Variants in PROM1 observed in about 807,000 individuals in gnomAD.
The protein encoded by PROM1 is prominin 1, also known as prominin-1.
Under a neutral mutation model 116.9 loss-of-function variants are expected in PROM1, and 105 were observed. That is an observed-to-expected ratio of 0.90 (90% confidence interval 0.77 to 1.06). PROM1 has a LOEUF of 1.06. PROM1 is among the 50% of genes least tolerant of loss of function. The pLI is 0.00. For synonymous variants in PROM1, 393 were observed against 387.0 expected (o/e 1.02, Z -0.18); for missense variants, 1,122 against 1,045.2 (o/e 1.07, Z -1.01).
chr4:16,063,014 A>C (rs1198741409), intron 2 of PROM1, among the ~76,000 whole-genome samples: 1 of 152,344 alleles, frequency 6.6e-6, no homozygotes, highest in Admixed American at 6.5e-5. Flanking sequence ...AGTGATCATC[A>C]TCACTGCCAA....
intron 1 of PROM1, chr4:16,080,540 A>G (rs1744847915): frequency 6.6e-6 from 1 of 152,238 alleles, no homozygotes. Context: ...TAAAAATGAA[A>G]AAGCAAATAT....
chr4:15,980,871 C>G (rs1717690519), intron 23 of PROM1, among the ~76,000 whole-genome samples: 1 of 152,032 alleles, frequency 6.6e-6, no homozygotes, highest in African/African-American at 2.4e-5. Flanking sequence ...AAACAGATTC[C>G]CTTTGTTGCC....
chr4:15,992,221 G>C, intron 17 of PROM1, 27 bp downstream of exon 17: 2 of 1,606,980 alleles, frequency 1.2e-6, no homozygotes, highest in African/African-American at 1.3e-5. Flanking sequence ...TCTCCTAAAG[G>C]ATCAAGCATG....
Position 15,992,360 on chromosome 4 carries a change from C to T in PROM1, c.1799G>A (p.Ser600Asn). 6.2e-7 allele frequency: 1 copy of T among 1,613,898 alleles called. No homozygotes were observed. ...AAAGATATTAAGATTTACCTTCAGACTTTCCAATTCACTGCTTATGCTTCC... is the reference window on the plus strand; with the variant it reads ...AAAGATATTAAGATTTACCTTCAGATTTTCCAATTCACTGCTTATGCTTCC... ...HTGSISSELESLKVNLNIFLL... is the reference protein window; with the variant it reads ...HTGSISSELENLKVNLNIFLL... The change falls in exon 17 of 28, where the codon AGT becomes AAT. Residue 600 changes from serine (S) to asparagine (N), a missense_variant. Transcript: ENST00000447510.
At position 16,076,070 on chromosome 4, in the gene PROM1, G is replaced by C; in HGVS notation, c.-164C>G. 7.3e-7 allele frequency: 1 copy of C among 1,375,198 alleles called. No individual in the cohort carries two copies. Among genetic ancestry groups the C allele is most frequent in the Non-Finnish European group, 9.5e-7 (1 of 1,047,588 alleles). The allele number at this position is 1,375,198 out of a possible 1,614,324, so 85.2% of individuals were successfully genotyped here. ...TGTCTGAGGCTGGCTTGAGGCGAGG[G>C]ATGCGGAAGAATGTTCTCCAAGGGG... On this transcript the variant is annotated 5_prime_UTR_variant, in exon 2 of 28. The change creates a new upstream start codon in the 5' untranslated region. Coordinates refer to ENST00000447510, the MANE Select transcript of PROM1 (RefSeq NM_006017.3).
intron 2 of PROM1, among the ~76,000 whole-genome samples, chr4:16,045,949 C>T (rs1736457298): frequency 6.6e-6 from 1 of 152,208 alleles, no homozygotes; most frequent in Admixed American, 6.5e-5. Context: ...TTGTCCTGAT[C>T]TACAAAACAC....
At chr4:16,066,203 G>A (rs1343055887) in intron 2 of PROM1, among the ~76,000 whole-genome samples, 1 of 152,182 alleles carries the variant, frequency 6.6e-6, no homozygotes, top group Admixed American at 6.5e-5. Context: ...GTTGCCCTAG[G>A]AAACCAATAA....
At chr4:15,991,757 AC>A (rs1328149892) in intron 17 of PROM1, among the ~76,000 whole-genome samples, 1 of 151,668 alleles carries the variant, frequency 6.6e-6, no homozygotes, top group African/African-American at 2.4e-5. Context: ...ACATGGTGAA[AC>A]CCCGTCTCTA....
At chr4:15,993,849 G>A (rs1721657509) in intron 16 of PROM1, 138 bp downstream of exon 16, 1 of 1,436,572 alleles carries the variant, frequency 7.0e-7, no homozygotes, top group Non-Finnish European at 9.2e-7. Flanking sequence ...ACACAGCCAT[G>A]TAAATATACC....
chr4:15,998,008 C>T (rs1023622155), intron 15 of PROM1, among the ~76,000 whole-genome samples: 1 of 152,340 alleles, frequency 6.6e-6, no homozygotes, highest in Non-Finnish European at 1.5e-5. Context: ...TGCCTTCCCC[C>T]TATCAGTGAT....
intron 5 of PROM1, among the ~76,000 whole-genome samples, chr4:16,029,409 G>A (rs1326101046): frequency 1.3e-5 from 2 of 151,232 alleles, no homozygotes; most frequent in African/African-American, 4.9e-5. Context: ...GCGGTGACAA[G>A]CAAAAAGAAA....
At chr4:15,999,388 A>G (rs570896261) in intron 14 of PROM1, among the ~76,000 whole-genome samples, 4 of 151,978 alleles carry the variant, frequency 2.6e-5, no homozygotes, top group South Asian at 2.1e-4. Flanking sequence ...GGAGAATGGC[A>G]TGAAACCGGG....
At chr4:16,046,046 T>C (rs1348139003) in intron 2 of PROM1, among the ~76,000 whole-genome samples, 4 of 152,248 alleles carry the variant, frequency 2.6e-5, no homozygotes, top group African/African-American at 7.2e-5. Flanking sequence ...AACAGTGTTA[T>C]CCTGGGAATA....
chr4:16,040,704 AG>A (rs1735016887), intron 2 of PROM1, among the ~76,000 whole-genome samples: 1 of 152,226 alleles, frequency 6.6e-6, no homozygotes, highest in South Asian at 2.1e-4. Flanking sequence ...AGGACCACTT[AG>A]GGTGAAGTGA....
intron 26 of PROM1, among the ~76,000 whole-genome samples, chr4:15,978,160 C>G (rs1716728894): frequency 6.6e-6 from 1 of 152,170 alleles, no homozygotes; most frequent in Non-Finnish European, 1.5e-5. Flanking sequence ...GCACCTTGAT[C>G]TTGTATTCCA....
intron 7 of PROM1, 140 bp from the exon 8 acceptor site, chr4:16,023,555 C>A: frequency 1.6e-6 from 1 of 630,960 alleles, no homozygotes; most frequent in South Asian, 2.0e-5. Context: ...GGGTTAAACT[C>A]GTGTATGGAG....
intron 26 of PROM1, among the ~76,000 whole-genome samples, chr4:15,974,140 C>CTCTCTA (rs1282261329): frequency 6.8e-6 from 1 of 147,236 alleles, no homozygotes; most frequent in East Asian, 2.0e-4. Flanking sequence ...CTCTCTCTCT[C>CTCTCTA]TCTAAAGAAC....
rs368118512 is a variant in PROM1 at position 15,991,194 on chromosome 4, A to G, written c.1983+28T>C. On this transcript the variant is annotated intron_variant, in intron 18 of 27. Transcript: ENST00000447510. The stretch of plus-strand genomic sequence containing the variant: ...GACATTTGACATCTACAACTACTAC[A>G]GTATTTAACCGGACGATTTGAACTC... 2.6e-5 allele frequency: 41 copies of G among 1,571,340 alleles called. No homozygotes were observed. The African/African-American group carries it at 3.1e-4, about 12-fold the overall frequency.
intron 1 of PROM1, chr4:16,076,415 A>G (rs1300931678): frequency 6.5e-6 from 1 of 153,966 alleles, no homozygotes; most frequent in Non-Finnish European, 1.4e-5. Context: ...ACTAACATTT[A>G]TTGAGCACTT....
Sources: allele counts gnomAD v4.1 joint callset (sites outside exome capture counted in the v4.1 genomes callset), GRCh38; gene constraint gnomAD v4.1.1; transcripts MANE v1.5; gene names NCBI Gene and HGNC (gene_info 2026-07-23, HGNC 2026-07-21).